Variants in GPATCH2L observed in about 807,000 individuals in gnomAD.
GPATCH2L encodes the protein G patch domain-containing protein 2-like.
GPATCH2L carries 31 observed loss-of-function variants against 57.4 expected under a neutral mutation model. That is an observed-to-expected ratio of 0.54 (90% CI 0.41 to 0.73). The LOEUF is 0.73. GPATCH2L is among the 30% of genes least tolerant of loss of function. The pLI is 0.00. For synonymous variants in GPATCH2L, 199 were observed against 210.7 expected (o/e 0.94, Z 0.48); for missense variants, 481 against 599.9 (o/e 0.80, Z 2.07).
chr14:76,161,982 G>T (rs2038607694), intron 2 of GPATCH2L, among the ~76,000 whole-genome samples: 2 of 152,174 alleles, frequency 1.3e-5, no homozygotes, highest in African/African-American at 4.8e-5. Flanking sequence ...GTTGCAGTGA[G>T]CCGAGATCGC....
chr14:76,226,180 T>A (rs1044608260), intron 1 of GPATCH2L, among the ~76,000 whole-genome samples: 3 of 152,144 alleles, frequency 2.0e-5, no homozygotes, highest in Admixed American at 2.0e-4. Context: ...GTACTACATA[T>A]AACAGTGAAA....
intron 5 of GPATCH2L, chr14:76,176,401 CTT>C (rs1280071365): frequency 1.8e-6 from 1 of 564,366 alleles, no homozygotes; most frequent in African/African-American, 1.9e-5. Flanking sequence ...TTTATAAAGA[CTT>C]TTGGATCACT....
intron 2 of GPATCH2L, among the ~76,000 whole-genome samples, chr14:76,231,608 A>G (rs1056931537): frequency 8.4e-5 from 8 of 95,766 alleles, no homozygotes; most frequent in African/African-American, 2.9e-4. Context: ...GGCTAAAATT[A>G]GAAACTAAAC....
intron 8 of GPATCH2L, among the ~76,000 whole-genome samples, chr14:76,190,734 C>T (rs1351472181): frequency 1.3e-5 from 2 of 152,022 alleles, no homozygotes; most frequent in African/African-American, 2.4e-5. Context: ...CAGTAATTTT[C>T]GAAGTAGGTA....
Position 76,180,769 on chromosome 14 carries a change from TC to T in GPATCH2L, c.1117del (p.Leu373CysfsTer82). The stretch of plus-strand genomic sequence containing the variant: ...AGTCTTATTCATTCCTGCAGTTCAA[TC>T]CCCTGTCTCCCCTTTACTCCCTGGA... ...HISACAHEFN[P>X]LSPLYSLDVL... On this transcript the variant is annotated frameshift_variant, in exon 8 of 10. Coordinates refer to ENST00000261530, the MANE Select transcript of GPATCH2L (RefSeq NM_017926.4). LOFTEE classifies it high-confidence loss of function. The T allele has an allele frequency of 6.2e-7, 1 of 1,607,812 alleles. No individual in the cohort carries two copies.
At chr14:76,226,159 T>C (rs2040535523) in intron 1 of GPATCH2L, among the ~76,000 whole-genome samples, 2 of 152,316 alleles carry the variant, frequency 1.3e-5, no homozygotes, top group African/African-American at 4.8e-5. Context: ...TCAAAACATA[T>C]GTACATAACA....
Position 76,226,671 on chromosome 14 carries a change from C to T in GPATCH2L, c.66-3137C>T, listed in dbSNP as rs948682026. ...TGACGCTATAAAAAGGGCTCGTGGG[C>T]GTGGGTTCACCCCCTTCCACCATCC... is the stretch of plus-strand genomic sequence containing the variant. On this transcript the variant is annotated intron_variant and NMD_transcript_variant, in intron 1 of 3. Coordinates refer to the GPATCH2L transcript ENST00000556372. Among the ~76,000 whole-genome samples, 6 of 152,204 alleles carry T rather than the reference C, an allele frequency of 3.9e-5. No individual in the cohort carries two copies. In the South Asian group the frequency reaches 8.3e-4, roughly 21 times the overall value.
At chr14:76,196,000 A>G (rs753189193) in intron 9 of GPATCH2L, 28 bp downstream of exon 9, 1 of 1,486,826 alleles carries the variant, frequency 6.7e-7, no homozygotes, top group South Asian at 1.1e-5. Context: ...TCATTTATTG[A>G]GCATGTACCG....
chr14:76,187,658 G>A (rs558135844), intron 8 of GPATCH2L, among the ~76,000 whole-genome samples: 4 of 152,156 alleles, frequency 2.6e-5, no homozygotes, highest in South Asian at 2.1e-4. Context: ...GGCATGTAAT[G>A]CGTAATAATC....
At position 76,204,109 on chromosome 14, in the gene GPATCH2L, T is replaced by A. The variant is rs571209597; in HGVS notation, c.*2258T>A. ...AAAACAGCCACAGAGTTGAGTGACTTGCTCCAAATCACATAACTAAGCCAG... is the reference window on the plus strand; with the variant it reads ...AAAACAGCCACAGAGTTGAGTGACTAGCTCCAAATCACATAACTAAGCCAG... On this transcript the variant is annotated 3_prime_UTR_variant, in exon 10 of 10. Coordinates refer to ENST00000261530, the MANE Select transcript of GPATCH2L (RefSeq NM_017926.4). 3 of 152,358 alleles carry A rather than the reference T, an allele frequency of 2.0e-5. No homozygotes were observed. Among genetic ancestry groups the A allele is most frequent in the Non-Finnish European group, 4.4e-5 (3 of 68,030 alleles). The allele number at this position is 152,358 out of a possible 1,614,324, so 9.4% of individuals were successfully genotyped here.
At chr14:76,199,702 A>G (rs1255012782) in intron 9 of GPATCH2L, among the ~76,000 whole-genome samples, 1 of 152,306 alleles carries the variant, frequency 6.6e-6, no homozygotes, top group South Asian at 2.1e-4. Context: ...ACCCTTGTGT[A>G]GTGCTTGTGG....
intron 5 of GPATCH2L, 109 bp from the exon 6 acceptor site, chr14:76,176,514 T>C (rs1238286580): frequency 4.1e-6 from 3 of 739,394 alleles, no homozygotes; most frequent in Non-Finnish European, 7.3e-6. Context: ...TTTTAACATG[T>C]GCCTTTTGAG....
Position 76,184,843 on chromosome 14 carries a change from C to A in GPATCH2L, c.1193+3994C>A, listed in dbSNP as rs796258861. On this transcript the variant is annotated intron_variant, in intron 8 of 9. Transcript: ENST00000261530. ...CTGATTTAATTGGTCTGGGATAAGG[C>A]CTAGACATTGGCATTATTTTAAAGC... 2.0e-4 allele frequency among the ~76,000 whole-genome samples: 30 copies of A among 152,246 alleles called. 1 individual carries two copies. The highest frequency in any genetic ancestry group is 6.5e-4 in the African/African-American group (27 of 41,530).
At chr14:76,156,471 C>G (rs560555465) in intron 2 of GPATCH2L, among the ~76,000 whole-genome samples, 5 of 152,324 alleles carry the variant, frequency 3.3e-5, no homozygotes, top group African/African-American at 1.2e-4. Flanking sequence ...TAATTTTCCT[C>G]TAATGCCTCA....
chr14:76,227,201 A>G (rs1294336273), intron 1 of GPATCH2L, among the ~76,000 whole-genome samples: 1 of 152,242 alleles, frequency 6.6e-6, no homozygotes, highest in Non-Finnish European at 1.5e-5. Context: ...GTTGTTTGAA[A>G]AGAAACTTCC....
intron 2 of GPATCH2L, among the ~76,000 whole-genome samples, chr14:76,155,899 G>GATCA (rs2038285156): frequency 1.3e-5 from 2 of 152,166 alleles, no homozygotes; most frequent in South Asian, 4.1e-4. Flanking sequence ...CAACCCAAAG[G>GATCA]CCTCCAGGGG....
intron 4 of GPATCH2L, among the ~76,000 whole-genome samples, chr14:76,172,397 G>C (rs1239700651): frequency 1.3e-5 from 2 of 152,192 alleles, no homozygotes; most frequent in African/African-American, 2.4e-5. Flanking sequence ...TTTTCAGTAA[G>C]AGTATTCACA....
intron 7 of GPATCH2L, among the ~76,000 whole-genome samples, chr14:76,180,350 CAACCGGTTATTCTTGGA>C (rs1392216658): frequency 6.6e-6 from 1 of 152,110 alleles, no homozygotes; most frequent in Non-Finnish European, 1.5e-5. Context: ...TGTTATGTGT[CAACCGGTTATTCTTGGA>C]AACATTTGCC....
In GPATCH2L at chr14:76,166,746, T is replaced by G; in HGVS notation, c.727+19T>G. On this transcript the variant is annotated intron_variant, in intron 3 of 9. Coordinates refer to ENST00000261530, the MANE Select transcript of GPATCH2L (RefSeq NM_017926.4). ...CGACAAGGTAATGTCGATCCCAGCT[T>G]TGGGACCTTGGTTCCGTGTTTATGG... 1 of 1,538,302 alleles carries G rather than the reference T, an allele frequency of 6.5e-7. No individual in the cohort carries two copies. The highest frequency in any genetic ancestry group is 9.0e-7 in the Non-Finnish European group (1 of 1,111,194).
Sources: allele counts gnomAD v4.1 joint callset (sites outside exome capture counted in the v4.1 genomes callset), GRCh38; gene constraint gnomAD v4.1.1; transcripts MANE v1.5; gene names NCBI Gene and HGNC (gene_info 2026-07-23, HGNC 2026-07-21).